MROH9: variants seen among roughly 807,000 people sequenced by gnomAD.
MROH9 encodes maestro heat like repeat family member 9, also known as maestro heat-like repeat-containing protein family member 9.
A neutral mutation model predicts 98.2 loss-of-function variants in MROH9; 92 were observed. That is an observed-to-expected ratio of 0.94 (90% CI 0.79 to 1.11). The LOEUF (loss-of-function observed/expected upper bound fraction) is 1.11. MROH9 is among the 50% of genes most tolerant of loss of function. The pLI is 0.00. For missense variants in MROH9, 1,057 were observed against 1,014.8 expected, an observed-to-expected ratio of 1.04 and a Z score of -0.57; for synonymous variants, 397 against 368.9, an observed-to-expected ratio of 1.08 and a Z score of -0.87.
intron 17 of MROH9, among the ~76,000 whole-genome samples, chr1:171,021,247 T>C (rs1309817383): frequency 3.9e-5 from 6 of 152,142 alleles, no homozygotes; most frequent in Non-Finnish European, 8.8e-5. Flanking sequence ...TTCACAGAAT[T>C]AGAAAAAACT....
chr1:171,025,978 C>T (rs1000610322), intron 20 of MROH9, among the ~76,000 whole-genome samples: 5 of 152,142 alleles, frequency 3.3e-5, no homozygotes, highest in African/African-American at 4.8e-5. Context: ...TTTTGGAATT[C>T]CCAGCTTAGT....
chr1:170,950,126 C>T (rs551558024), intron 3 of MROH9, among the ~76,000 whole-genome samples: 3 of 152,082 alleles, frequency 2.0e-5, no homozygotes, highest in East Asian at 3.9e-4. Context: ...AGTGGCAGAA[C>T]GAGGTTATAA....
In MROH9 at chr1:171,054,083, A is replaced by G. The variant is rs1035743603; in HGVS notation, c.2282-8049A>G. 3.3e-5 allele frequency among the ~76,000 whole-genome samples: 5 copies of G among 152,350 alleles called. No individual in the cohort carries two copies. In the South Asian group the frequency reaches 1.0e-3, roughly 32 times the overall value. On this transcript the variant is annotated intron_variant, in intron 20 of 21. Coordinates refer to ENST00000367759, the MANE Select transcript of MROH9 (RefSeq NM_001163629.2). ...TAAACATTCCAAAAATTCAGAAAAA[A>G]GTTCTCAAATTAATCTGTTTAGCAA...
At chr1:170,983,282 A>G (rs1008599648) in intron 8 of MROH9, 140 bp from the exon 9 acceptor site, 11 of 600,936 alleles carry the variant, frequency 1.8e-5, no homozygotes, top group Admixed American at 3.0e-5. Flanking sequence ...TTATGAGACT[A>G]AACTATGAGC....
intron 9 of MROH9, among the ~76,000 whole-genome samples, chr1:170,985,963 T>C (rs1258660297): frequency 2.0e-5 from 3 of 148,800 alleles, no homozygotes; most frequent in Non-Finnish European, 4.5e-5. Context: ...TTTTTTTTTT[T>C]CCATATAAAG....
At chr1:170,960,027 T>C (rs1331968230) in intron 5 of MROH9, among the ~76,000 whole-genome samples, 1 of 152,178 alleles carries the variant, frequency 6.6e-6, no homozygotes, top group Non-Finnish European at 1.5e-5. Flanking sequence ...TAAAGTGAGG[T>C]CTCAGCATAG....
At chr1:171,060,204 T>A (rs1389523079) in intron 20 of MROH9, among the ~76,000 whole-genome samples, 2 of 151,930 alleles carry the variant, frequency 1.3e-5, no homozygotes, top group African/African-American at 4.8e-5. Flanking sequence ...CCAAAAATCA[T>A]CAAATACCTT....
intron 20 of MROH9, among the ~76,000 whole-genome samples, chr1:171,056,296 C>T (rs1297520869): frequency 7.2e-5 from 11 of 152,156 alleles, no homozygotes; most frequent in African/African-American, 2.7e-4. Flanking sequence ...GTGCTTTTCC[C>T]CTGCTGGAAC....
In MROH9 at chr1:171,064,544, C is replaced by G; in HGVS notation, c.*204C>G. 4.0e-6 allele frequency: 2 copies of G among 498,148 alleles called. No homozygotes were observed. Among genetic ancestry groups the G allele is most frequent in the Non-Finnish European group, 6.9e-6 (2 of 289,916 alleles). The allele number at this position is 498,148 out of a possible 1,614,324, so 30.9% of individuals were successfully genotyped here. ...TATAGAAATCTGAGAGAACTAGTGC[C>G]TCTGTATGTCTGACAGTGATCAGAA... On this transcript the variant is annotated 3_prime_UTR_variant, in exon 22 of 22. Transcript: ENST00000367759.
At chr1:171,015,275 TAGTA>T in intron 16 of MROH9, 1 of 301,606 alleles carries the variant, frequency 3.3e-6, no homozygotes, top group Non-Finnish European at 6.4e-6. Context: ...TACATTATCT[TAGTA>T]AGCAGCAAAT....
intron 20 of MROH9, among the ~76,000 whole-genome samples, chr1:171,055,306 C>T (rs1486521670): frequency 1.3e-5 from 2 of 151,992 alleles, no homozygotes; most frequent in Non-Finnish European, 2.9e-5. Flanking sequence ...GGGAGCTAGG[C>T]TATGAGGATG....
intron 15 of MROH9, among the ~76,000 whole-genome samples, chr1:171,013,874 TACACACACACACAC>T (rs34557125): frequency 9.3e-4 from 135 of 144,388 alleles, no homozygotes; most frequent in African/African-American, 2.7e-3. Context: ...GTAAAATACA[TACACACACACACAC>T]ACACACACAC....
At chr1:170,974,215 T>C (rs372234537) in intron 8 of MROH9, among the ~76,000 whole-genome samples, 16 of 152,130 alleles carry the variant, frequency 1.1e-4, no homozygotes, top group African/African-American at 3.9e-4. Flanking sequence ...TTTATTTGAG[T>C]CTCTGAAAGT....
intron 20 of MROH9, among the ~76,000 whole-genome samples, chr1:171,029,504 G>T (rs1255819203): frequency 6.6e-6 from 1 of 152,056 alleles, no homozygotes; most frequent in East Asian, 1.9e-4. Context: ...TAACTTGAAG[G>T]GATGTTGAAT....
chr1:170,997,923 G>A (rs1370489031), intron 14 of MROH9, among the ~76,000 whole-genome samples: 1 of 152,158 alleles, frequency 6.6e-6, no homozygotes, highest in South Asian at 2.1e-4. Context: ...CAAAGGATGG[G>A]AGAGACAGGA....
At chr1:171,038,050 A>G (rs2101855362) in intron 20 of MROH9, among the ~76,000 whole-genome samples, 1 of 152,182 alleles carries the variant, frequency 6.6e-6, no homozygotes, top group Non-Finnish European at 1.5e-5. Flanking sequence ...TAAGAGTCAA[A>G]AGAAGCCATA....
intron 15 of MROH9, among the ~76,000 whole-genome samples, chr1:171,007,223 G>C (rs1277529257): frequency 6.6e-6 from 1 of 152,140 alleles, no homozygotes; most frequent in Non-Finnish European, 1.5e-5. Flanking sequence ...GTGGTTGGCT[G>C]GTCTGTTACC....
intron 8 of MROH9, among the ~76,000 whole-genome samples, chr1:170,972,827 A>AC (rs1491482500): frequency 1.9e-3 from 191 of 99,414 alleles, no homozygotes; most frequent in Middle Eastern, 4.9e-3. Context: ...AAAAAAAAAA[A>AC]ATACACACAC....
chr1:170,946,181 T>C (rs1649324850), intron 2 of MROH9, among the ~76,000 whole-genome samples: 1 of 152,038 alleles, frequency 6.6e-6, no homozygotes, highest in Non-Finnish European at 1.5e-5. Context: ...ATAGTAGGAC[T>C]AATAAATAAA....
Sources: allele counts gnomAD v4.1 joint callset (sites outside exome capture counted in the v4.1 genomes callset), GRCh38; gene constraint gnomAD v4.1.1; transcripts MANE v1.5; gene names NCBI Gene and HGNC (gene_info 2026-07-23, HGNC 2026-07-21).